The following FAM161A variants were observed in gnomAD, a reference collection of about 807,000 sequenced individuals.
The protein encoded by FAM161A is FAM161 centrosomal protein A.
Under a neutral mutation model 70.9 loss-of-function variants are expected in FAM161A, and 57 were observed. That is an observed-to-expected ratio of 0.80 (90% CI 0.65 to 1.00). FAM161A has a LOEUF of 1.00. Among genes scored for constraint, FAM161A ranks in the 50% least tolerant of loss-of-function variants. The probability of loss-of-function intolerance (pLI) is 0.00; values close to 1 mark genes in which losing one functional copy is unlikely to be tolerated. For missense variants in FAM161A, 880 were observed against 836.0 expected (o/e 1.05, Z -0.65); for synonymous variants, 299 against 295.7 (o/e 1.01, Z -0.12).
At chr2:61,834,215 G>C (rs919673575) in intron 5 of FAM161A, among the ~76,000 whole-genome samples, 1 of 152,116 alleles carries the variant, frequency 6.6e-6, no homozygotes, top group African/African-American at 2.4e-5. Context: ...TATGGATACA[G>C]CTGGAAGCCA....
At position 61,842,297 on chromosome 2, in the gene FAM161A, C is replaced by A. The variant is rs1482683528; in HGVS notation, c.247G>T (p.Val83Leu). The A allele has an allele frequency of 6.2e-7, 1 of 1,608,394 alleles. No homozygotes were observed. The highest frequency in any genetic ancestry group is 1.7e-4 in the Middle Eastern group (1 of 6,058). The stretch of plus-strand genomic sequence containing the variant: ...GAGTGGTGAATATCAGGAAAGTTCA[C>A]AAAGTCCTCATAGCTTATCGGTGCA... ...EHAPISYEDF[V>L]NFPDIHHSNE... Residue 83 changes from valine to leucine, a missense_variant, in exon 2 of 7, where the codon GTG becomes TTG. By Grantham distance (32) the Val-to-Leu change is conservative (BLOSUM62 1). Transcript: ENST00000404929.
rs1390612927 is a variant in FAM161A at position 61,838,652 on chromosome 2, G to T, written c.1637C>A (p.Thr546Asn). The change falls in exon 4 of 7, where the codon ACT becomes AAT. Residue 546 changes from threonine (T) to asparagine (N), a missense_variant. Physicochemically the swap from Thr to Asn is moderately conservative, Grantham distance 65 (BLOSUM62 0). Transcript: ENST00000404929. The stretch of plus-strand genomic sequence containing the variant: ...TTCTTTCATTCTTTGCTTCTGTTTA[G>T]TTAGGATCCGATTTCTCTCTTCTTC... Reference protein sequence around the residue: ...MLEEERNRILTKQKQRMKELQ... With the variant: ...MLEEERNRILNKQKQRMKELQ... The T allele has an allele frequency of 6.2e-7, 1 of 1,610,710 alleles. No homozygotes were observed. Among genetic ancestry groups the T allele is most frequent in the South Asian group, 1.1e-5 (1 of 90,712 alleles).
chr2:61,821,142 T>A (rs1402067751), downstream of FAM161A, among the ~76,000 whole-genome samples: 1 of 151,436 alleles, frequency 6.6e-6, no homozygotes, highest in Non-Finnish European at 1.5e-5. Flanking sequence ...AACCTCGGCC[T>A]CCCGGGTTCA....
the FAM161A span, chr2:61,803,489 A>T: frequency 3.5e-6 from 2 of 570,694 alleles, no homozygotes. Flanking sequence ...TATTGCAAGG[A>T]TGTTATCTGC....
At chr2:61,801,626 G>A in the FAM161A span, among the ~76,000 whole-genome samples, 1 of 149,248 alleles carries the variant, frequency 6.7e-6, no homozygotes, top group African/African-American at 2.5e-5. Flanking sequence ...GAGTGCAATC[G>A]CACGATCTCG....
the FAM161A span, among the ~76,000 whole-genome samples, chr2:61,806,899 A>G: frequency 4.0e-5 from 6 of 151,820 alleles, no homozygotes; most frequent in African/African-American, 1.5e-4. Context: ...TCACCGTGTT[A>G]GTCATGATGG....
At chr2:61,840,990 C>T (rs572150390) in intron 2 of FAM161A, among the ~76,000 whole-genome samples, 32 of 152,282 alleles carry the variant, frequency 2.1e-4, no homozygotes, top group African/African-American at 7.5e-4. Context: ...TAATCAGAAG[C>T]GAGGAGCTGG....
At chr2:61,841,323 CA>C (rs1347191703) in intron 2 of FAM161A, among the ~76,000 whole-genome samples, 1 of 152,208 alleles carries the variant, frequency 6.6e-6, no homozygotes, top group African/African-American at 2.4e-5. Flanking sequence ...ATTCTGCATT[CA>C]TATCCAGTCC....
At chr2:61,830,445 C>G (rs1210106215) in intron 5 of FAM161A, among the ~76,000 whole-genome samples, 1 of 151,914 alleles carries the variant, frequency 6.6e-6, no homozygotes, top group East Asian at 1.9e-4. Context: ...CTTTGGGAGG[C>G]CGAGGCAGGT....
chr2:61,806,432 G>A, the FAM161A span, among the ~76,000 whole-genome samples: 4 of 152,020 alleles, frequency 2.6e-5, no homozygotes, highest in Non-Finnish European at 5.9e-5. Context: ...TTATTCTGTC[G>A]TTGTCATTGT....
At chr2:61,846,813 G>A (rs982886015) in intron 1 of FAM161A, 49 of 397,732 alleles carry the variant, frequency 1.2e-4, no homozygotes, top group Non-Finnish European at 2.1e-4. Context: ...GTCTAGCAAC[G>A]GTTATTCATC....
chr2:61,826,948 A>T (rs531158694), intron 6 of FAM161A, among the ~76,000 whole-genome samples, 156 bp downstream of exon 6: 12 of 152,212 alleles, frequency 7.9e-5, no homozygotes, highest in Non-Finnish European at 1.8e-4. Flanking sequence ...TTAAAATATC[A>T]GTGTGTTTTA....
intron 1 of FAM161A, among the ~76,000 whole-genome samples, chr2:61,844,427 A>T (rs6721488): frequency 0.23 from 35,140 of 151,754 alleles, 4,160 homozygotes; most frequent in African/African-American, 0.24. Flanking sequence ...GGCCAGGCAC[A>T]GTGGCTCACA....
chr2:61,818,524 A>G, the FAM161A span, among the ~76,000 whole-genome samples: 4 of 152,180 alleles, frequency 2.6e-5, no homozygotes, highest in Admixed American at 1.3e-4. Flanking sequence ...TAAATAAAAC[A>G]CACAAACCAG....
At chr2:61,831,204 T>C (rs141451202) in intron 5 of FAM161A, among the ~76,000 whole-genome samples, 277 of 151,998 alleles carry the variant, frequency 1.8e-3, no homozygotes, top group African/African-American at 6.2e-3. Flanking sequence ...TCCCAAATAA[T>C]ACTTCATACT....
chr2:61,805,555 T>C, the FAM161A span, among the ~76,000 whole-genome samples: 27 of 152,102 alleles, frequency 1.8e-4, no homozygotes, highest in Non-Finnish European at 2.5e-4. Context: ...TTGCAAGCCA[T>C]TGGGGAGGTC....
chr2:61,809,385 A>G, the FAM161A span, among the ~76,000 whole-genome samples: 1 of 152,134 alleles, frequency 6.6e-6, no homozygotes, highest in Non-Finnish European at 1.5e-5. Context: ...TTGTTTACAT[A>G]TATTTCAATG....
chr2:61,817,088 G>C, the FAM161A span, among the ~76,000 whole-genome samples: 1 of 152,196 alleles, frequency 6.6e-6, no homozygotes, highest in African/African-American at 2.4e-5. Flanking sequence ...TATGTGGTTT[G>C]TCACTGGCTG....
At chr2:61,837,232 G>C (rs2105075801) in intron 4 of FAM161A, among the ~76,000 whole-genome samples, 1 of 152,098 alleles carries the variant, frequency 6.6e-6, no homozygotes, top group South Asian at 2.1e-4. Flanking sequence ...TAATTCAATG[G>C]GAGCAAGTCA....
Sources: allele counts gnomAD v4.1 joint callset (sites outside exome capture counted in the v4.1 genomes callset), GRCh38; gene constraint gnomAD v4.1.1; transcripts MANE v1.5; gene names NCBI Gene and HGNC (gene_info 2026-07-23, HGNC 2026-07-21).